Variants in ZNF454 observed in about 807,000 individuals in gnomAD.
The protein encoded by ZNF454 is zinc finger protein 454.
Under a neutral mutation model 48.2 loss-of-function variants are expected in ZNF454, and 30 were observed. The ratio of observed to expected loss-of-function variants is 0.62; its 90% CI spans 0.47 to 0.84. The LOEUF (loss-of-function observed/expected upper bound fraction) is 0.84. Among genes scored for constraint, ZNF454 ranks in the 40% least tolerant of loss-of-function variants. ZNF454 has a pLI of 0.00. For missense variants in ZNF454, 510 were observed against 623.1 expected (o/e 0.82, Z 1.93); for synonymous variants, 204 against 211.4 (o/e 0.97, Z 0.30).
At chr5:178,968,105 T>TCACACACACACACA (rs3031585), downstream of ZNF454, among the ~76,000 whole-genome samples, 4,551 of 144,998 alleles carry the variant, frequency 0.031, 109 homozygotes, top group East Asian at 0.05. Context: ...CATCTGTGCA[T>TCACACACACACACA]CACACACACA....
chr5:178,954,930 A>G (rs1226587271), intron 4 of ZNF454, among the ~76,000 whole-genome samples: 1 of 152,218 alleles, frequency 6.6e-6, no homozygotes, highest in Non-Finnish European at 1.5e-5. Context: ...GTATGGATGT[A>G]CCACGGTTTG....
At chr5:178,985,510 T>A in the ZNF454 span, 3 of 337,018 alleles carry the variant, frequency 8.9e-6, no homozygotes, top group Admixed American at 4.1e-5. Context: ...GAGACCATCC[T>A]GGCTAACACG....
chr5:178,988,416 C>G, the ZNF454 span, among the ~76,000 whole-genome samples: 1 of 152,018 alleles, frequency 6.6e-6, no homozygotes, highest in Non-Finnish European at 1.5e-5. This position sits in a 1 kb window ranked among gnomAD's most constrained non-coding sequence, Gnocchi z 6.0. Context: ...AGTCATCTCT[C>G]CACAAACCGT....
intron 4 of ZNF454, chr5:178,957,009 G>C (rs867106548): frequency 3.3e-5 from 6 of 183,926 alleles, no homozygotes; most frequent in Non-Finnish European, 4.7e-5. Flanking sequence ...TCAGTCTCCC[G>C]AGTAGCTGGG....
chr5:178,951,239 AAATT>A (rs1208863917), intron 4 of ZNF454, among the ~76,000 whole-genome samples: 3 of 152,242 alleles, frequency 2.0e-5, no homozygotes, highest in Admixed American at 6.5e-5. Context: ...ACTATAAAAT[AAATT>A]TATTTTGAAT....
intron 4 of ZNF454, among the ~76,000 whole-genome samples, chr5:178,960,352 G>A (rs746493840): frequency 1.3e-5 from 2 of 151,018 alleles, no homozygotes; most frequent in Non-Finnish European, 2.9e-5. Flanking sequence ...CCACCTCCCC[G>A]GTTCAAGCGA....
chr5:178,958,282 G>A (rs897193398), intron 4 of ZNF454, among the ~76,000 whole-genome samples: 7 of 152,094 alleles, frequency 4.6e-5, no homozygotes, highest in Non-Finnish European at 8.8e-5. Flanking sequence ...TTCTTTTGTC[G>A]TAAAGGTAAC....
the ZNF454 span, among the ~76,000 whole-genome samples, chr5:178,972,589 A>T: frequency 6.6e-6 from 1 of 152,046 alleles, no homozygotes; most frequent in Non-Finnish European, 1.5e-5. Context: ...CACAAGAAAA[A>T]CCCAGGGTCT....
the ZNF454 span, chr5:178,985,718 A>AAAAC: frequency 6.6e-3 from 2,761 of 420,864 alleles, 107 homozygotes; most frequent in African/African-American, 0.054. Flanking sequence ...AAAAAAACAA[A>AAAAC]ACAACACAGG....
chr5:178,961,253 C>G (rs1323801802), intron 4 of ZNF454, among the ~76,000 whole-genome samples: 1 of 151,516 alleles, frequency 6.6e-6, no homozygotes, highest in Non-Finnish European at 1.5e-5. Flanking sequence ...TTAAAAATAA[C>G]TTAGGTAAGT....
rs779121083 is a variant in ZNF454, at chr5:178,965,189, A to G, written c.785A>G (p.His262Arg). The change falls in exon 5 of 5, where the codon CAT becomes CGT. Residue 262 changes from histidine (H) to arginine (R), a missense_variant. This residue lies in a region of ZNF454 where 354 missense variants were observed against 408.9 expected (regional missense o/e 0.87). Transcript: ENST00000519564. This position sits in a 1 kb window ranked among gnomAD's most constrained non-coding sequence, Gnocchi z 5.2. Reference sequence around the variant, plus strand: ...TCAGTGAGCTCCTCACTTACGTACCATCAGAAAATTCATACTGGAGAGAAG... The same window carrying G: ...TCAGTGAGCTCCTCACTTACGTACCGTCAGAAAATTCATACTGGAGAGAAG... ...AFSVSSSLTY[H>R]QKIHTGEKPF... The G allele has an allele frequency of 7.4e-6, 12 of 1,614,120 alleles. No homozygotes were observed. The highest frequency in any genetic ancestry group is 1.3e-5 in the African/African-American group (1 of 74,944).
chr5:178,960,187 G>A (rs1385344059), intron 4 of ZNF454, among the ~76,000 whole-genome samples: 1 of 151,390 alleles, frequency 6.6e-6, no homozygotes, highest in Non-Finnish European at 1.5e-5. Context: ...CTAGACTCAA[G>A]CGGTCCTCCT....
chr5:178,942,299 C>G (rs2016212), intron 1 of ZNF454: 87,935 of 153,022 alleles, frequency 0.57, 25,374 homozygotes, highest in Admixed American at 0.62. Context: ...CCAGCTACTC[C>G]GGAGACTGGG....
intron 4 of ZNF454, among the ~76,000 whole-genome samples, chr5:178,958,120 T>C (rs1355008797): frequency 3.3e-5 from 5 of 152,210 alleles, no homozygotes; most frequent in African/African-American, 9.6e-5. Flanking sequence ...CAGAAACTGT[T>C]TTCTATATAC....
intron 1 of ZNF454, among the ~76,000 whole-genome samples, chr5:178,942,212 C>T (rs2016198): frequency 0.74 from 112,234 of 152,062 alleles, 41,643 homozygotes; most frequent in African/African-American, 0.81. Context: ...GAGACCAGTC[C>T]GACCAACATG....
intron 4 of ZNF454, among the ~76,000 whole-genome samples, chr5:178,953,968 T>C (rs879543399): frequency 1.8e-4 from 27 of 152,248 alleles, no homozygotes; most frequent in Non-Finnish European, 3.7e-4. Flanking sequence ...CCGTCTAAAA[T>C]TCCTGCCCAA....
At position 178,954,330 on chromosome 5, in the gene ZNF454, A is replaced by G. The variant is rs146327189; in HGVS notation, c.250+7344A>G. Among the ~76,000 whole-genome samples the G allele has an allele frequency of 5.4e-3, 822 of 151,988 alleles. 4 individuals carry two copies. Among genetic ancestry groups the G allele is most frequent in the Non-Finnish European group, 7.7e-3 (526 of 67,962 alleles). On this transcript the variant is annotated intron_variant, in intron 4 of 4. Coordinates refer to ENST00000519564, the MANE Select transcript of ZNF454 (RefSeq NM_001178089.3). ...AGTAAAATAAAATTCCTGCCCATTG[A>G]CTCTAGGACATTTTCTCTATTATTG... is the stretch of plus-strand genomic sequence containing the variant.
the ZNF454 span, chr5:178,985,663 A>G: frequency 1.9e-4 from 76 of 398,714 alleles, no homozygotes; most frequent in Admixed American, 1.1e-3. Context: ...AGATAGTGCC[A>G]CTGCACTCCA....
Position 178,964,945 on chromosome 5 carries a change from A to G in ZNF454, c.541A>G (p.Ser181Gly), listed in dbSNP as rs201156132. The G allele has an allele frequency of 6.8e-6, 11 of 1,614,256 alleles. No individual in the cohort carries two copies. The East Asian group carries it at 2.0e-4, about 29-fold the overall frequency. ...ACCTAGCAAAAATGCCTTTGAGTGT[A>G]GTGAGTGTGGAAAAGTCTTCTCTAA... The part of the protein sequence containing the change: ...FQPSKNAFEC[S>G]ECGKVFSKSS... Residue 181 changes from serine (S) to glycine (G), a missense_variant, in exon 5 of 5, where the codon AGT becomes GGT. This residue lies in a region of ZNF454 where 354 missense variants were observed against 408.9 expected (regional missense o/e 0.87). Coordinates refer to ENST00000519564, the MANE Select transcript of ZNF454 (RefSeq NM_001178089.3).
Sources: allele counts gnomAD v4.1 joint callset (sites outside exome capture counted in the v4.1 genomes callset), GRCh38; gene constraint gnomAD v4.1.1; regional missense constraint gnomAD v4.1.1; non-coding constraint Gnocchi (gnomAD v3.1); transcripts MANE v1.5; gene names NCBI Gene and HGNC (gene_info 2026-07-23, HGNC 2026-07-21).